Variants in NCAPD3 observed in about 807,000 individuals in gnomAD.
The protein encoded by NCAPD3 is condensin-2 complex subunit D3.
Under a neutral mutation model 182.9 loss-of-function variants are expected in NCAPD3, and 105 were observed. That is an observed-to-expected ratio of 0.57 (90% CI 0.49 to 0.68). The LOEUF (loss-of-function observed/expected upper bound fraction) is 0.68, where lower values mean the gene tolerates loss of function less well. Ranked by LOEUF, NCAPD3 falls within the 30% of genes least tolerant of loss-of-function variation. The pLI is 0.00. For synonymous variants in NCAPD3, 815 were observed against 679.9 expected (o/e 1.20, Z -3.09); for missense variants, 1,944 against 1,837.0 (o/e 1.06, Z -1.07).
upstream of NCAPD3, chr11:134,224,926 C>A (rs1938407419): frequency 7.8e-6 from 2 of 255,850 alleles, no homozygotes; most frequent in Non-Finnish European, 1.4e-5. Flanking sequence ...CCGCCAGCCT[C>A]CCCCGGCCGT....
chr11:134,156,768 T>C (rs562535409), intron 32 of NCAPD3: 51 of 344,450 alleles, frequency 1.5e-4, no homozygotes, highest in East Asian at 7.4e-4. Context: ...CTCAACGGCA[T>C]TGTCTGCTCC....
At chr11:134,169,339 G>C (rs1943950876) in intron 24 of NCAPD3, among the ~76,000 whole-genome samples, 2 of 152,154 alleles carry the variant, frequency 1.3e-5, no homozygotes, top group Non-Finnish European at 2.9e-5. Flanking sequence ...AGTTCAAGTG[G>C]GGAAAGTAAT....
chr11:134,175,659 A>G (rs919027138), intron 24 of NCAPD3, among the ~76,000 whole-genome samples: 1 of 152,348 alleles, frequency 6.6e-6, no homozygotes, highest in African/African-American at 2.4e-5. Flanking sequence ...TTCCAACTGC[A>G]GACTTGCTTG....
At chr11:134,169,470 G>A (rs1233522468) in intron 24 of NCAPD3, among the ~76,000 whole-genome samples, 2 of 152,194 alleles carry the variant, frequency 1.3e-5, no homozygotes, top group Non-Finnish European at 2.9e-5. Context: ...CTTCAAGTTT[G>A]TTGCCCACAA....
intron 20 of NCAPD3, among the ~76,000 whole-genome samples, chr11:134,180,266 C>T (rs957595407): frequency 1.3e-5 from 2 of 151,960 alleles, no homozygotes; most frequent in African/African-American, 2.4e-5. Flanking sequence ...TAAGCTTGGT[C>T]GGTGATCACT....
At chr11:134,167,733 C>T (rs1162077628) in intron 27 of NCAPD3, among the ~76,000 whole-genome samples, 1 of 116,224 alleles carries the variant, frequency 8.6e-6, no homozygotes, top group East Asian at 2.7e-4. Flanking sequence ...GGCGCACACT[C>T]GTGAGATGAG....
chr11:134,185,408 G>C lies in NCAPD3; in HGVS notation c.2164C>G (p.Leu722Val), dbSNP rs138788756. Reference sequence around the variant, plus strand: ...GGTGAGGAGCCAGCAATCTTGGAGAGCAGCATCCAGGCAGGTGCCGAATGT... The same window carrying C: ...GGTGAGGAGCCAGCAATCTTGGAGACCAGCATCCAGGCAGGTGCCGAATGT... ...TEHSAPAWML[L>V]SKIAGSSPRL... The change falls in exon 17 of 35, where the codon CTC becomes GTC. Residue 722 changes from leucine to valine, a missense_variant. Transcript: ENST00000534548. 6 of 1,613,990 alleles carry C rather than the reference G, an allele frequency of 3.7e-6. No homozygotes were observed. In the African/African-American group the frequency reaches 6.7e-5, roughly 18 times the overall value.
Position 134,190,647 on chromosome 11 carries a change from T to C in NCAPD3, c.2045+2042A>G, listed in dbSNP as rs114203312. On this transcript the variant is annotated intron_variant, in intron 16 of 34. Coordinates refer to ENST00000534548, the MANE Select transcript of NCAPD3 (RefSeq NM_015261.3). The stretch of plus-strand genomic sequence containing the variant: ...GACTACAGGCGTGCGCCACCACAAA[T>C]GGCTTTTTTTGTAGAGACAAGGTCT... 3.2e-3 allele frequency among the ~76,000 whole-genome samples: 489 copies of C among 152,154 alleles called. 3 individuals are homozygous for C. Among genetic ancestry groups the C allele is most frequent in the African/African-American group, 0.012 (482 of 41,516 alleles).
intron 24 of NCAPD3, among the ~76,000 whole-genome samples, chr11:134,170,512 G>C (rs776172218): frequency 2.5e-4 from 38 of 152,200 alleles, no homozygotes; most frequent in Non-Finnish European, 4.9e-4. Context: ...CTATGGCATG[G>C]CAGTTTCCAC....
At chr11:134,156,888 G>A (rs768618494) in intron 32 of NCAPD3, 130 bp downstream of exon 32, 5 of 766,366 alleles carry the variant, frequency 6.5e-6, no homozygotes, top group Non-Finnish European at 1.1e-5. Flanking sequence ...CTCCACCTCA[G>A]CAATGCACTC....
chr11:134,189,877 T>C (rs1944488105), intron 16 of NCAPD3, among the ~76,000 whole-genome samples: 1 of 152,220 alleles, frequency 6.6e-6, no homozygotes, highest in South Asian at 2.1e-4. Context: ...TTTGCATTAT[T>C]TTTCTAGTAA....
At chr11:134,153,559 C>G (rs549527455) in intron 32 of NCAPD3, 196 bp from the exon 33 acceptor site, 181 of 620,688 alleles carry the variant, frequency 2.9e-4, no homozygotes, top group Non-Finnish European at 4.8e-4. Flanking sequence ...GTCTCTCTGA[C>G]CCCCTTCTCT....
At chr11:134,154,363 C>G (rs1943354547) in intron 32 of NCAPD3, among the ~76,000 whole-genome samples, 1 of 152,138 alleles carries the variant, frequency 6.6e-6, no homozygotes, top group South Asian at 2.1e-4. Flanking sequence ...CAGCTGGTCC[C>G]AAGCTGCCTT....
intron 7 of NCAPD3, among the ~76,000 whole-genome samples, 160 bp downstream of exon 7, chr11:134,208,704 G>A (rs142184637): frequency 6.6e-6 from 1 of 152,156 alleles, no homozygotes; most frequent in Non-Finnish European, 1.5e-5. Flanking sequence ...AGAGCAAATA[G>A]AAATAGTGAT....
In NCAPD3 at chr11:134,159,908, A is replaced by T. The variant is rs113674290; in HGVS notation, c.3851T>A (p.Val1284Glu). 4 of 1,612,762 alleles carry T rather than the reference A, an allele frequency of 2.5e-6. No homozygotes were observed. The highest frequency in any genetic ancestry group is 2.2e-5 in the East Asian group (1 of 44,886). Residue 1284 changes from valine to glutamate, a missense_variant, in exon 29 of 35, where the codon GTG (valine) becomes GAG (glutamate). Val to Glu is a moderately radical substitution (Grantham distance 121). Around this residue, in one of 3 missense-constraint regions of NCAPD3, gnomAD observed 1,803 missense variants for 1,674.6 expected, o/e 1.08. Transcript: ENST00000534548. ...DVAGTAGGAE[V>E]APVAQVALCL... ...CACACCTACCTGTGCCACAGGTGCC[A>T]CCTCAGCACCTCCAGCCGTCCCGGC... is the stretch of plus-strand genomic sequence containing the variant.
At chr11:134,165,100 G>A (rs531545333) in intron 27 of NCAPD3, among the ~76,000 whole-genome samples, 1 of 151,958 alleles carries the variant, frequency 6.6e-6, no homozygotes, top group East Asian at 1.9e-4. Context: ...ATGAGCTTGC[G>A]GGAGCTGCAC....
At position 134,184,803 on chromosome 11, in the gene NCAPD3, G is replaced by GTATA. The variant is rs200954003; in HGVS notation, c.2336-55_2336-52dup. 4.4e-5 allele frequency: 40 copies of GTATA among 912,756 alleles called. No homozygotes were observed. The African/African-American group carries it at 1.1e-3, about 26-fold the overall frequency. The allele number at this position is 912,756 out of a possible 1,614,324, so 56.5% of individuals were successfully genotyped here. A position where few individuals can be genotyped will look rare whatever the true frequency, so the allele number is the denominator to read the frequency against. On this transcript the variant is annotated intron_variant, in intron 18 of 34. Coordinates refer to ENST00000534548, the MANE Select transcript of NCAPD3 (RefSeq NM_015261.3). ...AGTTCAACTGCTTAAATATATTCAGGTATATATACACACACACACACACAC... is the reference window on the plus strand; with the variant it reads ...AGTTCAACTGCTTAAATATATTCAGGTATATATATATACACACACACACACACAC...
rs1417438109 is a variant in NCAPD3 at position 134,223,863 on chromosome 11, C to T, written c.64G>A (p.Glu22Lys). The stretch of plus-strand genomic sequence containing the variant: ...GGGCCTCCCGGCTGCATCTGCTCAC[C>T]GAGTCTAAGATCCAGCGGACACCAG... ...QPWCPLDLRL[E>K]WVDTVWELDF... The change falls in exon 1 of 35, where the codon GAA (glutamate) becomes AAA (lysine). Residue 22 changes from glutamate to lysine, a missense_variant and splice_region_variant. Physicochemically the swap from Glu to Lys is moderately conservative, Grantham distance 56. Transcript: ENST00000534548. 1 of 1,612,460 alleles carries T rather than the reference C, an allele frequency of 6.2e-7. No homozygotes were observed. Among genetic ancestry groups the T allele is most frequent in the Non-Finnish European group, 8.5e-7 (1 of 1,179,710 alleles).
intron 7 of NCAPD3, among the ~76,000 whole-genome samples, chr11:134,208,361 G>C (rs1240199517): frequency 6.6e-6 from 1 of 152,136 alleles, no homozygotes; most frequent in Admixed American, 6.5e-5. Flanking sequence ...GCAAAACCCA[G>C]GTATCCATGC....
Sources: allele counts gnomAD v4.1 joint callset (sites outside exome capture counted in the v4.1 genomes callset), GRCh38; gene constraint gnomAD v4.1.1; regional missense constraint gnomAD v4.1.1; transcripts MANE v1.5; gene names NCBI Gene and HGNC (gene_info 2026-07-23, HGNC 2026-07-21).